ABTB1: variants seen among roughly 807,000 people sequenced by gnomAD.
The protein encoded by ABTB1 is ankyrin repeat and BTB/POZ domain-containing protein 1.
In ABTB1, 45 loss-of-function variants were observed where a neutral mutation model predicts 57.1. That is an observed-to-expected ratio of 0.79 (90% CI 0.62 to 1.01). The LOEUF is 1.01. Ranked by LOEUF, ABTB1 falls within the 50% of genes least tolerant of loss-of-function variation. ABTB1 has a pLI of 0.00. For missense variants in ABTB1, 630 were observed against 666.3 expected (o/e 0.95, Z 0.60); for synonymous variants, 302 against 275.4 (o/e 1.10, Z -0.95).
intron 3 of ABTB1, among the ~76,000 whole-genome samples, chr3:127,674,965 G>T (rs997390302): frequency 2.6e-5 from 4 of 152,154 alleles, no homozygotes; most frequent in Admixed American, 6.5e-5. Flanking sequence ...GCCTGGCCAT[G>T]CCCAAGGCTC....
Position 127,676,222 on chromosome 3 carries a change from T to A in ABTB1, c.321-50T>A. On this transcript the variant is annotated intron_variant, in intron 4 of 11. Transcript: ENST00000232744. This position sits in a 1 kb window ranked among gnomAD's most constrained non-coding sequence, Gnocchi z 5.4. The stretch of plus-strand genomic sequence containing the variant: ...ACTGGGTTCTGAGTGCTCCGAGGAA[T>A]GGGGTGGGGCTGTGCCAAGTATCCT... 6.2e-7 allele frequency: 1 copy of A among 1,604,686 alleles called. No homozygotes were observed. Among genetic ancestry groups the A allele is most frequent in the Non-Finnish European group, 8.5e-7 (1 of 1,173,236 alleles).
intron 3 of ABTB1, among the ~76,000 whole-genome samples, chr3:127,675,280 T>G (rs1229134281): frequency 1.4e-5 from 2 of 147,580 alleles, no homozygotes; most frequent in African/African-American, 5.0e-5. Flanking sequence ...TTTTTTTTTT[T>G]TTTTGGAGAC....
chr3:127,677,995 G>T, intron 10 of ABTB1, 152 bp downstream of exon 10: 1 of 1,046,084 alleles, frequency 9.6e-7, no homozygotes, highest in Non-Finnish European at 1.3e-6. Context: ...TGGGACTTTG[G>T]ATTTTTCTTT....
At position 127,674,375 on chromosome 3, in the gene ABTB1, C is replaced by T. The variant is rs746324247; in HGVS notation, c.57-16C>T. Reference sequence around the variant, plus strand: ...GAACCCGTCCTGACCCAGGCTCTGACCTCCTTCCTGCCCAGGTACCTGCTG... The same window carrying T: ...GAACCCGTCCTGACCCAGGCTCTGATCTCCTTCCTGCCCAGGTACCTGCTG... On this transcript the variant is annotated splice_polypyrimidine_tract_variant and intron_variant, in intron 1 of 11. Coordinates refer to ENST00000232744, the MANE Select transcript of ABTB1 (RefSeq NM_172027.3). 3 of 1,602,302 alleles carry T rather than the reference C, an allele frequency of 1.9e-6. No individual in the cohort carries two copies. Among genetic ancestry groups the T allele is most frequent in the African/African-American group, 1.3e-5 (1 of 74,916 alleles).
In ABTB1 at chr3:127,676,794, A is replaced by G. The variant is rs1438821342; in HGVS notation, c.527-173A>G. ...CCCACCCACATGCTGAGGCCCTCCC[A>G]TCTGTTCCCTGGGGCCTGTAGAACA... On this transcript the variant is annotated intron_variant, in intron 6 of 11. Transcript: ENST00000232744. The surrounding 1 kb of genome is among the most constrained non-coding windows in gnomAD (Gnocchi z 5.4). The G allele has an allele frequency of 1.2e-6, 1 of 833,236 alleles. No individual in the cohort carries two copies. The highest frequency in any genetic ancestry group is 1.9e-6 in the Non-Finnish European group (1 of 538,326). 51.6% of individuals were successfully genotyped at this position (833,236 alleles called of 1,614,324 possible).
In ABTB1 at chr3:127,673,016, C is replaced by A. The variant is rs764207415; in HGVS notation, c.-10C>A. On this transcript the variant is annotated 5_prime_UTR_variant, in exon 1 of 12. Coordinates refer to ENST00000232744, the MANE Select transcript of ABTB1 (RefSeq NM_172027.3). ...CGAGGTCGTTCGGCTCGGGTACCATCCTCCGCGCCATGGACACCAGCGACC... is the reference window on the plus strand; with the variant it reads ...CGAGGTCGTTCGGCTCGGGTACCATACTCCGCGCCATGGACACCAGCGACC... 3.5e-5 allele frequency: 54 copies of A among 1,562,800 alleles called. No homozygotes were observed. The highest frequency in any genetic ancestry group is 4.2e-5 in the Non-Finnish European group (48 of 1,154,534).
Position 127,677,088 on chromosome 3 carries a change from G to C in ABTB1, c.643+5G>C. ...GCGAGAAGGTGTCTGAGTTTGGTGC[G>C]AGCAGGGTTTGGGGCCCGGGGCCAT... is the stretch of plus-strand genomic sequence containing the variant. On this transcript the variant is annotated splice_donor_5th_base_variant and intron_variant, in intron 7 of 11. Coordinates refer to ENST00000232744, the MANE Select transcript of ABTB1 (RefSeq NM_172027.3). 1.9e-6 allele frequency: 3 copies of C among 1,614,012 alleles called. No individual in the cohort carries two copies. The highest frequency in any genetic ancestry group is 2.2e-5 in the East Asian group (1 of 44,878).
Position 127,680,134 on chromosome 3 carries a change from G to A in ABTB1, c.1179G>A (p.Leu393=), listed in dbSNP as rs1399510471. 1 of 1,613,866 alleles carries A rather than the reference G, an allele frequency of 6.2e-7. No homozygotes were observed. The highest frequency in any genetic ancestry group is 2.2e-5 in the East Asian group (1 of 44,894). ...GGCGCGTGGCCAAGCTCTTCCGCCT[G>A]GCGCGGCTTGAGGACCAGTGCACTG... The part of the protein sequence containing the change: ...GVWRVAKLFR[L]ARLEDQCTEY... Residue 393 remains leucine (L), a synonymous_variant, in exon 11 of 12, where the codon CTG becomes CTA. Coordinates refer to ENST00000232744, the MANE Select transcript of ABTB1 (RefSeq NM_172027.3).
chr3:127,677,683 T>A lies in ABTB1; in HGVS notation c.869T>A (p.Phe290Tyr). Residue 290 changes from phenylalanine (F) to tyrosine (Y), a missense_variant, in exon 10 of 12, where the codon TTC becomes TAC. Phe to Tyr is a conservative substitution (Grantham distance 22). This residue lies in a region of ABTB1 where 579 missense variants were observed against 585.9 expected (regional missense o/e 0.99). Coordinates refer to ENST00000232744, the MANE Select transcript of ABTB1 (RefSeq NM_172027.3). ...GAGCCCGGCCTCCCCCAGGCCTTTT[T>A]CTGTGGCCGCAGTGACTACTTCCGA... ...GCSFLCHKAF[F>Y]CGRSDYFRAL... 1.9e-6 allele frequency: 3 copies of A among 1,610,726 alleles called. No individual in the cohort carries two copies. The highest frequency in any genetic ancestry group is 2.5e-6 in the Non-Finnish European group (3 of 1,178,444).
chr3:127,679,742 C>T, intron 10 of ABTB1: 1 of 596,742 alleles, frequency 1.7e-6, no homozygotes, highest in South Asian at 1.8e-5. Flanking sequence ...GCCTGCCCTG[C>T]CAGCCTGCTC....
At chr3:127,674,126 C>G (rs1259103770) in intron 1 of ABTB1, 2 of 520,612 alleles carry the variant, frequency 3.8e-6, no homozygotes, top group African/African-American at 1.9e-5. Context: ...CCAGCCTCGG[C>G]ACTGGCTCTG....
chr3:127,675,083 C>T (rs1447170624), intron 3 of ABTB1, among the ~76,000 whole-genome samples: 5 of 152,078 alleles, frequency 3.3e-5, no homozygotes, highest in African/African-American at 7.2e-5. Context: ...GCTATGCATG[C>T]CCCTGTTCCT....
At position 127,676,216 on chromosome 3, in the gene ABTB1, G is replaced by C. The variant is rs1044023654; in HGVS notation, c.321-56G>C. On this transcript the variant is annotated intron_variant, in intron 4 of 11. Coordinates refer to ENST00000232744, the MANE Select transcript of ABTB1 (RefSeq NM_172027.3). The surrounding 1 kb of genome is among the most constrained non-coding windows in gnomAD (Gnocchi z 5.4). ...GCCTGCACTGGGTTCTGAGTGCTCC[G>C]AGGAATGGGGTGGGGCTGTGCCAAG... 6.2e-7 allele frequency: 1 copy of C among 1,604,474 alleles called. No homozygotes were observed. Among genetic ancestry groups the C allele is most frequent in the East Asian group, 2.2e-5 (1 of 44,634 alleles).
chr3:127,673,184 T>C (rs899314046), intron 1 of ABTB1, 103 bp downstream of exon 1: 12 of 1,252,986 alleles, frequency 9.6e-6, no homozygotes, highest in African/African-American at 1.6e-5. Flanking sequence ...GGCGGGCGCC[T>C]CTGCCGGGTC....
chr3:127,678,006 C>A, intron 10 of ABTB1, 163 bp downstream of exon 10: 2 of 915,786 alleles, frequency 2.2e-6, no homozygotes, highest in Non-Finnish European at 3.2e-6. Flanking sequence ...ATTTTTCTTT[C>A]AGGTAGAGGA....
chr3:127,673,692 CCTGGTGCTGA>C (rs146846019), intron 1 of ABTB1: 2,198 of 154,818 alleles, frequency 0.014, 61 homozygotes, highest in African/African-American at 0.05. Context: ...TCCCCCTTGA[CCTGGTGCTGA>C]CTGACTGCTT....
At position 127,680,391 on chromosome 3, in the gene ABTB1, G is replaced by A. The variant is rs1256914743; in HGVS notation, c.1353G>A (p.Val451=). 1.2e-6 allele frequency: 2 copies of A among 1,608,054 alleles called. No homozygotes were observed. Among genetic ancestry groups the A allele is most frequent in the South Asian group, 2.2e-5 (2 of 90,390 alleles). Residue 451 remains valine (V), a synonymous_variant, in exon 12 of 12, where the codon GTG becomes GTA. Transcript: ENST00000232744. Reference sequence around the variant, plus strand: ...TCCGCTTCCACGTGGCCAGCACGGTGCAGACCTACAGCGCCATAGAGGAGG... The same window carrying A: ...TCCGCTTCCACGTGGCCAGCACGGTACAGACCTACAGCGCCATAGAGGAGG... The part of the protein sequence containing the change: ...DDIRFHVAST[V]QTYSAIEEAQ...
In ABTB1 at chr3:127,676,594, G is replaced by T. The variant is rs764934577; in HGVS notation, c.526+13G>T. 3 of 1,613,464 alleles carry T rather than the reference G, an allele frequency of 1.9e-6. No homozygotes were observed. Among genetic ancestry groups the T allele is most frequent in the African/African-American group, 1.3e-5 (1 of 75,028 alleles). On this transcript the variant is annotated intron_variant, in intron 6 of 11. Coordinates refer to ENST00000232744, the MANE Select transcript of ABTB1 (RefSeq NM_172027.3). The surrounding 1 kb of genome is among the most constrained non-coding windows in gnomAD (Gnocchi z 5.4). ...TACCTGTACACAGGTGACCCCCTGG[G>T]TCCAGGGTAGGAGGAGAGGGAGTGG...
chr3:127,676,634 C>T lies in ABTB1; in HGVS notation c.526+53C>T. 1 of 1,603,148 alleles carries T rather than the reference C, an allele frequency of 6.2e-7. No homozygotes were observed. Among genetic ancestry groups the T allele is most frequent in the Admixed American group, 1.7e-5 (1 of 59,946 alleles). ...AGAGGGAGTGGGCCGTCCTTCTGGA[C>T]AGCAGTACACCTAGGTGTGGCTGGG... On this transcript the variant is annotated intron_variant, in intron 6 of 11. Coordinates refer to ENST00000232744, the MANE Select transcript of ABTB1 (RefSeq NM_172027.3). The surrounding 1 kb of genome is among the most constrained non-coding windows in gnomAD (Gnocchi z 5.4).
Sources: gnomAD v4.1 joint callset for allele counts (sites outside exome capture counted in the v4.1 genomes callset) on GRCh38, gnomAD v4.1.1 for gene constraint, gnomAD v4.1.1 regional missense constraint, Gnocchi (gnomAD v3.1) non-coding constraint, MANE v1.5 for transcripts, NCBI Gene and HGNC (gene_info 2026-07-23, HGNC 2026-07-21) for gene names.